The following HS3ST1 variants were observed in gnomAD, a reference collection of about 807,000 sequenced individuals.
The protein encoded by HS3ST1 is heparan sulfate glucosamine 3-O-sulfotransferase 1.
In HS3ST1, 8 loss-of-function variants were observed where a neutral mutation model predicts 20.7. The ratio of observed to expected loss-of-function variants is 0.39; its 90% CI spans 0.23 to 0.70. HS3ST1 has a LOEUF of 0.70. HS3ST1 is among the 30% of genes least tolerant of loss of function. The probability of loss-of-function intolerance (pLI) is 0.46; values close to 1 mark genes in which losing one functional copy is unlikely to be tolerated. For synonymous variants in HS3ST1, 205 were observed against 190.4 expected, an observed-to-expected ratio of 1.08 and a Z score of -0.63; for missense variants, 436 against 423.4, an observed-to-expected ratio of 1.03 and a Z score of -0.26.
rs765165464 is a variant in HS3ST1 at position 11,410,658 on chromosome 4, C to T, written c.-108-10545G>A. 2.6e-5 allele frequency among the ~76,000 whole-genome samples: 4 copies of T among 152,044 alleles called. No individual in the cohort carries two copies. In the East Asian group the frequency reaches 5.8e-4, roughly 22 times the overall value. ...CTGTAATCCCAGCACTTTTGGGAGGCCAAGGCGGGTAGAACATGAGGTCAA... is the reference window on the plus strand; with the variant it reads ...CTGTAATCCCAGCACTTTTGGGAGGTCAAGGCGGGTAGAACATGAGGTCAA... On this transcript the variant is annotated intron_variant, in intron 1 of 1. Coordinates refer to ENST00000002596, the MANE Select transcript of HS3ST1 (RefSeq NM_005114.4).
At chr4:11,431,406 T>C (rs1024750335), upstream of HS3ST1, among the ~76,000 whole-genome samples, 6 of 152,180 alleles carry the variant, frequency 3.9e-5, no homozygotes, top group African/African-American at 1.4e-4. Context: ...AGACTCTTTT[T>C]ATCAGTTCCA....
chr4:11,432,680 C>G (rs1719227849), upstream of HS3ST1, among the ~76,000 whole-genome samples: 1 of 152,200 alleles, frequency 6.6e-6, no homozygotes, highest in Admixed American at 6.5e-5. Context: ...CATGATTGCA[C>G]TGTGTGAAAA....
At chr4:11,404,191 T>C (rs139753279) in intron 1 of HS3ST1, among the ~76,000 whole-genome samples, 1 of 152,194 alleles carries the variant, frequency 6.6e-6, no homozygotes, top group East Asian at 1.9e-4. Context: ...ACCACAGGTG[T>C]GTGCCACCAC....
At chr4:11,412,325 A>C (rs1479535075) in intron 1 of HS3ST1, among the ~76,000 whole-genome samples, 4 of 152,202 alleles carry the variant, frequency 2.6e-5, no homozygotes, top group Non-Finnish European at 5.9e-5. Context: ...CGTAAATTCT[A>C]AGATAGTATA....
chr4:11,430,964 A>G (rs1224249179), upstream of HS3ST1, among the ~76,000 whole-genome samples: 2 of 152,242 alleles, frequency 1.3e-5, no homozygotes, highest in Non-Finnish European at 2.9e-5. Flanking sequence ...GTGTATGTCC[A>G]GGCATTTGCC....
chr4:11,425,232 A>G (rs1719031870), intron 1 of HS3ST1, among the ~76,000 whole-genome samples: 1 of 152,188 alleles, frequency 6.6e-6, no homozygotes, highest in South Asian at 2.1e-4. Context: ...ACAACACCTA[A>G]AATGCAATGA....
At chr4:11,415,766 C>T (rs904294843) in intron 1 of HS3ST1, among the ~76,000 whole-genome samples, 2 of 152,170 alleles carry the variant, frequency 1.3e-5, no homozygotes, top group African/African-American at 4.8e-5. Flanking sequence ...TTTGTGCTGC[C>T]TTTAGCAGAG....
At chr4:11,405,721 G>A (rs529673333) in intron 1 of HS3ST1, among the ~76,000 whole-genome samples, 4 of 152,022 alleles carry the variant, frequency 2.6e-5, no homozygotes, top group African/African-American at 4.8e-5. Flanking sequence ...ATTTCTAATC[G>A]TGATTGGGCG....
rs1228990801 is a variant in HS3ST1 at position 11,394,184 on chromosome 4, T to C, written c.*4898A>G. ...CCCCCAACAGAGTACAGTACATATC[T>C]GCCCATTTTTATGGAGAAGGAAATG... On this transcript the variant is annotated 3_prime_UTR_variant, in exon 2 of 2. Transcript: ENST00000002596. The C allele has an allele frequency of 2.0e-5, 3 of 152,242 alleles. No homozygotes were observed. Among genetic ancestry groups the C allele is most frequent in the African/African-American group, 7.2e-5 (3 of 41,452 alleles). 9.4% of individuals were successfully genotyped at this position (152,242 alleles called of 1,614,324 possible). A position where few individuals can be genotyped will look rare whatever the true frequency, so the allele number is the denominator to read the frequency against.
At chr4:11,402,582 T>C (rs776198310) in intron 1 of HS3ST1, among the ~76,000 whole-genome samples, 7 of 151,854 alleles carry the variant, frequency 4.6e-5, no homozygotes, top group Non-Finnish European at 7.4e-5. Flanking sequence ...TGCATGCATG[T>C]GTGTGTGTGT....
At chr4:11,403,672 A>G (rs758897879) in intron 1 of HS3ST1, among the ~76,000 whole-genome samples, 3 of 152,004 alleles carry the variant, frequency 2.0e-5, no homozygotes, top group South Asian at 4.2e-4. Flanking sequence ...AGCAATGACA[A>G]CTCCCTGGCC....
At chr4:11,432,157 G>T (rs987373827), upstream of HS3ST1, among the ~76,000 whole-genome samples, 2 of 152,154 alleles carry the variant, frequency 1.3e-5, no homozygotes, top group African/African-American at 2.4e-5. Flanking sequence ...CGGGAGGTCA[G>T]GAAAAGGGGA....
intron 1 of HS3ST1, among the ~76,000 whole-genome samples, chr4:11,413,889 T>C (rs1276296647): frequency 6.6e-6 from 1 of 150,816 alleles, no homozygotes; most frequent in Non-Finnish European, 1.5e-5. Flanking sequence ...TGTTTCAAAA[T>C]TGAAAAAAAA....
intron 1 of HS3ST1, among the ~76,000 whole-genome samples, chr4:11,413,249 C>A (rs1003275079): frequency 1.3e-5 from 2 of 152,116 alleles, no homozygotes; most frequent in African/African-American, 4.8e-5. Context: ...CAACCTGGGG[C>A]ATGTGGTGGG....
intron 1 of HS3ST1, among the ~76,000 whole-genome samples, chr4:11,406,663 C>T (rs1284604091): frequency 6.6e-6 from 1 of 152,154 alleles, no homozygotes; most frequent in Non-Finnish European, 1.5e-5. Context: ...AATGGTGATG[C>T]TTCCCCTTGG....
chr4:11,427,018 G>A (rs1719077309), intron 1 of HS3ST1, among the ~76,000 whole-genome samples: 1 of 152,194 alleles, frequency 6.6e-6, no homozygotes, highest in East Asian at 1.9e-4. Flanking sequence ...AATGCAGAAA[G>A]CAAGAAAAAA....
Position 11,399,571 on chromosome 4 carries a change from G to T in HS3ST1, c.435C>A (p.Ile145=), listed in dbSNP as rs1452445238. 6.2e-7 allele frequency: 1 copy of T among 1,613,872 alleles called. No individual in the cohort carries two copies. Among genetic ancestry groups the T allele is most frequent in the Admixed American group, 1.7e-5 (1 of 60,030 alleles). Residue 145 remains isoleucine, a synonymous_variant, in exon 2 of 2, where the codon ATC becomes ATA. Coordinates refer to ENST00000002596, the MANE Select transcript of HS3ST1 (RefSeq NM_005114.4). The surrounding 1 kb of genome is among the most constrained non-coding windows in gnomAD (Gnocchi z 5.1). ...SMNPSIRLLL[I]LRDPSERVLS... is the part of the protein sequence containing the mutation. ...GCACGCGCTCCGACGGGTCTCGCAG[G>T]ATGAGCAGCAGCCGGATGGACGGGT... is the stretch of plus-strand genomic sequence containing the variant.
chr4:11,400,831 T>C (rs998985325), intron 1 of HS3ST1, among the ~76,000 whole-genome samples: 1 of 152,226 alleles, frequency 6.6e-6, no homozygotes, highest in Non-Finnish European at 1.5e-5. Flanking sequence ...AACGTATCAG[T>C]CCCCAGCCTG....
At position 11,399,552 on chromosome 4, in the gene HS3ST1, G is replaced by A. The variant is rs1718254442; in HGVS notation, c.454C>T (p.Arg152Cys). 6.2e-7 allele frequency: 1 copy of A among 1,613,746 alleles called. No homozygotes were observed. Among genetic ancestry groups the A allele is most frequent in the African/African-American group, 1.3e-5 (1 of 74,920 alleles). ...ACTTGGGTGTAGTCAGATAGCACGCGCTCCGACGGGTCTCGCAGGATGAGC... is the reference window on the plus strand; with the variant it reads ...ACTTGGGTGTAGTCAGATAGCACGCACTCCGACGGGTCTCGCAGGATGAGC... Reference protein sequence around the residue: ...LLLILRDPSERVLSDYTQVFY... With the variant: ...LLLILRDPSECVLSDYTQVFY... The change falls in exon 2 of 2, where the codon CGC (arginine) becomes TGC (cysteine). Residue 152 changes from arginine to cysteine, a missense_variant. Transcript: ENST00000002596. This position sits in a 1 kb window ranked among gnomAD's most constrained non-coding sequence, Gnocchi z 5.1.
Sources: allele counts gnomAD v4.1 joint callset (sites outside exome capture counted in the v4.1 genomes callset), GRCh38; gene constraint gnomAD v4.1.1; non-coding constraint Gnocchi (gnomAD v3.1); transcripts MANE v1.5; gene names NCBI Gene and HGNC (gene_info 2026-07-23, HGNC 2026-07-21).